VPS53: variants seen among roughly 807,000 people sequenced by gnomAD.
VPS53 encodes the protein vacuolar protein sorting-associated protein 53 homolog.
Under a neutral mutation model 107.0 loss-of-function variants are expected in VPS53, and 70 were observed. The ratio of observed to expected loss-of-function variants is 0.65; its 90% confidence interval spans 0.54 to 0.80. The LOEUF (loss-of-function observed/expected upper bound fraction) is 0.80, where lower values mean the gene tolerates loss of function less well. Ranked by LOEUF, VPS53 falls within the 30% of genes least tolerant of loss-of-function variation. The pLI is 0.00. For synonymous variants in VPS53, 409 were observed against 393.3 expected (o/e 1.04, Z -0.47); for missense variants, 917 against 1,049.4 (o/e 0.87, Z 1.74).
intron 4 of VPS53, among the ~76,000 whole-genome samples, chr17:694,069 C>T (rs1972864033): frequency 6.6e-6 from 1 of 151,778 alleles, no homozygotes; most frequent in South Asian, 2.1e-4. Context: ...GACCCAAGAG[C>T]TCCTTGGAAA....
chr17:628,750 G>A (rs144621119), intron 8 of VPS53, among the ~76,000 whole-genome samples: 1 of 152,266 alleles, frequency 6.6e-6, no homozygotes, highest in East Asian at 1.9e-4. Flanking sequence ...ATAAAACCAG[G>A]TTCCAAGCCA....
intron 17 of VPS53, among the ~76,000 whole-genome samples, chr17:541,014 T>G (rs947462476): frequency 1.3e-5 from 2 of 152,040 alleles, no homozygotes; most frequent in African/African-American, 4.8e-5. Flanking sequence ...TGGAAAGAGG[T>G]TTCTTGAAAA....
At chr17:628,743 A>G (rs187211944) in intron 8 of VPS53, among the ~76,000 whole-genome samples, 2 of 152,292 alleles carry the variant, frequency 1.3e-5, no homozygotes, top group African/African-American at 2.4e-5. Flanking sequence ...TTAACACATA[A>G]AACCAGGTTC....
intron 11 of VPS53, among the ~76,000 whole-genome samples, chr17:604,957 A>C (rs1042193648): frequency 6.6e-6 from 1 of 152,166 alleles, no homozygotes; most frequent in African/African-American, 2.4e-5. Context: ...CTGCTGGGGG[A>C]GACAGCCTTC....
At chr17:627,383 A>G in intron 9 of VPS53, 67 bp from the exon 10 acceptor site, 1 of 1,538,992 alleles carries the variant, frequency 6.5e-7, no homozygotes, top group Non-Finnish European at 8.8e-7. Flanking sequence ...CAAGGAAACA[A>G]GCAAAAACAC....
intron 3 of VPS53, among the ~76,000 whole-genome samples, chr17:697,771 T>A (rs938370234): frequency 2.0e-5 from 3 of 152,338 alleles, no homozygotes; most frequent in Admixed American, 1.3e-4. Context: ...GGATTTTTCA[T>A]GGAGTACATC....
intron 13 of VPS53, among the ~76,000 whole-genome samples, chr17:571,546 C>CCTCCCTACGGTCTCCCTCTCCCT (rs1398615647): frequency 1.7e-5 from 2 of 114,334 alleles, no homozygotes; most frequent in Non-Finnish European, 2.0e-5. Flanking sequence ...TCCCTCTCCC[C>CCTCCCTACGGTCTCCCTCTCCCT]ACGGTCTCCC....
At chr17:614,218 T>C (rs1010079690) in intron 11 of VPS53, among the ~76,000 whole-genome samples, 4 of 152,200 alleles carry the variant, frequency 2.6e-5, no homozygotes, top group African/African-American at 7.2e-5. Context: ...TATGAATATA[T>C]GAAAACCAAC....
At position 583,834 on chromosome 17, in the gene VPS53, C is replaced by T. The variant is rs542216044; in HGVS notation, c.1313+2436G>A. On this transcript the variant is annotated intron_variant, in intron 13 of 21. Coordinates refer to ENST00000437048, the MANE Select transcript of VPS53 (RefSeq NM_001128159.3). ...ATTCCCAGAGAACCTCCTTCAGAACCTCAATGCGTTCCCAGAGAACTTCCC... is the reference window on the plus strand; with the variant it reads ...ATTCCCAGAGAACCTCCTTCAGAACTTCAATGCGTTCCCAGAGAACTTCCC... Among the ~76,000 whole-genome samples the T allele has an allele frequency of 2.0e-4, 30 of 151,382 alleles. No individual in the cohort carries two copies. In the South Asian group the frequency reaches 5.5e-3, roughly 28 times the overall value.
chr17:533,111 C>G, intron 18 of VPS53, 200 bp from the exon 19 acceptor site: 1 of 840,434 alleles, frequency 1.2e-6, no homozygotes, highest in Non-Finnish European at 1.8e-6. Context: ...CTGGCAGGCC[C>G]GGGAAAACCG....
intron 2 of VPS53, among the ~76,000 whole-genome samples, chr17:702,244 CTTA>C (rs1973227541): frequency 6.6e-6 from 1 of 152,004 alleles, no homozygotes; most frequent in Admixed American, 6.6e-5. Flanking sequence ...GTACAATCTG[CTTA>C]TTAGGCTGAG....
chr17:663,108 T>G (rs1597457260), intron 4 of VPS53, among the ~76,000 whole-genome samples: 1 of 150,936 alleles, frequency 6.6e-6, no homozygotes, highest in Non-Finnish European at 1.5e-5. Context: ...GAGGCTGAGG[T>G]GGGAAGATTA....
At chr17:628,373 A>C in intron 8 of VPS53, 142 bp from the exon 9 acceptor site, 1 of 1,016,404 alleles carries the variant, frequency 9.8e-7, no homozygotes, top group Admixed American at 3.2e-5. Context: ...CTGTGGCTGG[A>C]TCTGTCAGTT....
intron 8 of VPS53, among the ~76,000 whole-genome samples, chr17:629,037 T>G (rs530904174): frequency 6.6e-6 from 1 of 152,354 alleles, no homozygotes; most frequent in East Asian, 1.9e-4. Context: ...AAGCCATGCA[T>G]GTAGCTTTGG....
intron 1 of VPS53, chr17:714,275 G>A (rs1286049545): frequency 3.8e-6 from 1 of 262,276 alleles, no homozygotes; most frequent in East Asian, 7.5e-5. Flanking sequence ...CCGGGGCGTT[G>A]GCACGAGTCT....
chr17:671,987 T>A lies in VPS53; in HGVS notation c.286-10092A>T, dbSNP rs550941070. On this transcript the variant is annotated intron_variant, in intron 4 of 21. Transcript: ENST00000437048. ...CAGGCGTGAGCCACCAGAATGAGAA[T>A]TGGGAAAAAGAGTTTGTCTTTCGCG... is the stretch of plus-strand genomic sequence containing the variant. Among the ~76,000 whole-genome samples the A allele has an allele frequency of 3.2e-4, 48 of 151,910 alleles. No homozygotes were observed. The South Asian group carries it at 8.1e-3, about 26-fold the overall frequency.
chr17:531,158 G>A (rs1030876625), intron 19 of VPS53, among the ~76,000 whole-genome samples: 4 of 152,162 alleles, frequency 2.6e-5, no homozygotes, highest in African/African-American at 9.7e-5. Flanking sequence ...GAGTTTCAAG[G>A]CCCAGACATC....
chr17:688,759 T>A (rs888485953), intron 4 of VPS53, among the ~76,000 whole-genome samples: 2 of 152,134 alleles, frequency 1.3e-5, no homozygotes, highest in East Asian at 3.9e-4. Context: ...AAATCCTGGT[T>A]GGGAAATGAC....
intron 7 of VPS53, among the ~76,000 whole-genome samples, chr17:637,620 C>A (rs1317917903): frequency 1.3e-5 from 2 of 152,100 alleles, no homozygotes; most frequent in East Asian, 3.9e-4. Context: ...TATGTTGTAT[C>A]TTGTTCTCAT....
Sources: allele counts gnomAD v4.1 joint callset (sites outside exome capture counted in the v4.1 genomes callset), GRCh38; gene constraint gnomAD v4.1.1; transcripts MANE v1.5; gene names NCBI Gene and HGNC (gene_info 2026-07-23, HGNC 2026-07-21).